PCDHGA5: variants seen among roughly 807,000 people sequenced by gnomAD.
PCDHGA5 encodes protocadherin gamma-A5.
PCDHGA5 carries 36 observed loss-of-function variants against 56.7 expected under a neutral mutation model. The observed-to-expected ratio is 0.64, with a 90% CI of 0.49 to 0.84. The LOEUF is 0.84. Among genes scored for constraint, PCDHGA5 ranks in the 40% least tolerant of loss-of-function variants. PCDHGA5 has a pLI of 0.00. For missense variants in PCDHGA5, 1,305 were observed against 1,201.5 expected (o/e 1.09, Z -1.27); for synonymous variants, 563 against 520.2 (o/e 1.08, Z -1.12).
Position 141,364,609 on chromosome 5 carries a change from G to A in PCDHGA5, c.279G>A (p.Glu93=), listed in dbSNP as rs759783763. 2.5e-6 allele frequency: 4 copies of A among 1,614,190 alleles called. No individual in the cohort carries two copies. The highest frequency in any genetic ancestry group is 3.4e-6 in the Non-Finnish European group (4 of 1,180,002). Residue 93 remains glutamate (E), a synonymous_variant, in exon 1 of 4, where the codon GAG becomes GAA. Coordinates refer to ENST00000518069, the MANE Select transcript of PCDHGA5 (RefSeq NM_018918.3). ...SLVTAGRIDR[E]ELCAQSPLCV... is the part of the protein sequence containing the mutation. ...TCACCGCGGGCAGGATAGACCGGGA[G>A]GAGCTCTGCGCTCAGAGCCCACTGT...
intron 1 of PCDHGA5, among the ~76,000 whole-genome samples, chr5:141,448,214 G>A (rs2098576063): frequency 6.6e-6 from 1 of 152,092 alleles, no homozygotes; most frequent in Non-Finnish European, 1.5e-5. Context: ...CTGTGTGTAT[G>A]CGAATGTATG....
rs151037104 is a variant in PCDHGA5, at chr5:141,393,242, C to G, written c.2421+26491C>G. 3 of 1,613,778 alleles carry G rather than the reference C, an allele frequency of 1.9e-6. 1 individual carries two copies. The East Asian group carries it at 6.7e-5, about 36-fold the overall frequency. ...TCGAAGATCTAGAAGTAAAAATTAA[C>G]GAAATCGCGGTTCCTGGAGCACGTT... On this transcript the variant is annotated intron_variant, in intron 1 of 3. Coordinates refer to ENST00000518069, the MANE Select transcript of PCDHGA5 (RefSeq NM_018918.3).
intron 1 of PCDHGA5, chr5:141,414,091 A>C (rs774168035): frequency 7.5e-6 from 12 of 1,594,412 alleles, no homozygotes; most frequent in African/African-American, 1.3e-5. Flanking sequence ...TGGAGAAATA[A>C]AAATATCAGA....
intron 1 of PCDHGA5, chr5:141,408,402 G>A: frequency 1.2e-6 from 2 of 1,614,052 alleles, no homozygotes; most frequent in Non-Finnish European, 1.7e-6. Context: ...CGCAAGCTGC[G>A]AGTGAGCGCG....
At chr5:141,376,331 C>T (rs757952080) in intron 1 of PCDHGA5, 2 of 1,614,078 alleles carry the variant, frequency 1.2e-6, no homozygotes, top group East Asian at 2.2e-5. Context: ...TCGGGCTTTC[C>T]TGCAGACCTA....
intron 1 of PCDHGA5, among the ~76,000 whole-genome samples, chr5:141,380,556 A>G (rs560395127): frequency 1.3e-5 from 2 of 152,362 alleles, no homozygotes; most frequent in South Asian, 2.1e-4. Flanking sequence ...CTTATGTTAG[A>G]TTTTATTAAA....
chr5:141,370,302 A>G, intron 1 of PCDHGA5: 1 of 1,187,592 alleles, frequency 8.4e-7, no homozygotes, highest in Non-Finnish European at 1.2e-6. Flanking sequence ...GCACAAAGAC[A>G]AAGCAAATAG....
At chr5:141,404,580 G>C (rs769739876) in intron 1 of PCDHGA5, 2 of 1,613,866 alleles carry the variant, frequency 1.2e-6, no homozygotes, top group Non-Finnish European at 1.7e-6. Context: ...CCACCACTTA[G>C]CAGCAATGTG....
At chr5:141,378,717 A>AG (rs1263141486) in intron 1 of PCDHGA5, 3 of 152,242 alleles carry the variant, frequency 2.0e-5, no homozygotes, top group Non-Finnish European at 4.4e-5. Flanking sequence ...TTCATCATAT[A>AG]GGAACTCTTT....
chr5:141,417,884 C>A, intron 1 of PCDHGA5: 2 of 1,561,600 alleles, frequency 1.3e-6, no homozygotes, highest in East Asian at 2.4e-5. Flanking sequence ...CGCGCAGAGG[C>A]GCCGGGCCGG....
At chr5:141,370,483 C>T in intron 1 of PCDHGA5, 1 of 1,613,876 alleles carries the variant, frequency 6.2e-7, no homozygotes, top group East Asian at 2.2e-5. Flanking sequence ...CAGGCTCTCT[C>T]CGAACCGATC....
chr5:141,488,441 C>T (rs1320712074), intron 1 of PCDHGA5, among the ~76,000 whole-genome samples: 1 of 152,206 alleles, frequency 6.6e-6, no homozygotes, highest in Non-Finnish European at 1.5e-5. Flanking sequence ...TGACCACCCT[C>T]CTGGGTGACC....
intron 1 of PCDHGA5, among the ~76,000 whole-genome samples, chr5:141,444,476 C>A (rs1228271706): frequency 6.6e-6 from 1 of 152,088 alleles, no homozygotes; most frequent in Non-Finnish European, 1.5e-5. Flanking sequence ...CGGTCGCGTA[C>A]TGGATTTATA....
chr5:141,471,562 G>T (rs2099259935), intron 1 of PCDHGA5: 1 of 152,136 alleles, frequency 6.6e-6, no homozygotes, highest in Non-Finnish European at 1.5e-5. Flanking sequence ...TTGACTCAGG[G>T]GTAGCAGTAG....
At chr5:141,483,224 G>A (rs530779494) in intron 1 of PCDHGA5, among the ~76,000 whole-genome samples, 17 of 152,242 alleles carry the variant, frequency 1.1e-4, no homozygotes, top group Middle Eastern at 3.4e-3. Flanking sequence ...AGTCACTGCA[G>A]AAATTTGAAC....
chr5:141,464,048 T>C (rs377735829), intron 1 of PCDHGA5, among the ~76,000 whole-genome samples: 1 of 152,260 alleles, frequency 6.6e-6, no homozygotes, highest in South Asian at 2.1e-4. Context: ...GTGGATCACC[T>C]GAGGTCAGGA....
chr5:141,473,033 GGAAA>G (rs1282468299), intron 1 of PCDHGA5, among the ~76,000 whole-genome samples: 6 of 146,356 alleles, frequency 4.1e-5, no homozygotes, highest in South Asian at 2.2e-4. Flanking sequence ...AAGGAAGGAA[GGAAA>G]GAAAGAAAGA....
chr5:141,486,506 A>C lies in PCDHGA5; in HGVS notation c.2422-8301A>C. The C allele has an allele frequency of 6.2e-7, 1 of 1,614,134 alleles. No individual in the cohort carries two copies. The highest frequency in any genetic ancestry group is 8.5e-7 in the Non-Finnish European group (1 of 1,180,006). Reference sequence around the variant, plus strand: ...TACCCACAGAACTATTTTCCTCAATATTTCAGATGTGAATGATAATCCACC... The same window carrying C: ...TACCCACAGAACTATTTTCCTCAATCTTTCAGATGTGAATGATAATCCACC... On this transcript the variant is annotated intron_variant, in intron 1 of 3. Transcript: ENST00000518069. The surrounding 1 kb of genome is among the most constrained non-coding windows in gnomAD (Gnocchi z 5.0).
chr5:141,378,227 A>G (rs1774726852), intron 1 of PCDHGA5: 1 of 152,200 alleles, frequency 6.6e-6, no homozygotes, highest in Non-Finnish European at 1.5e-5. Flanking sequence ...GCCTGATAGT[A>G]TTTAAGAGTG....
Sources: allele counts gnomAD v4.1 joint callset (sites outside exome capture counted in the v4.1 genomes callset), GRCh38; gene constraint gnomAD v4.1.1; non-coding constraint Gnocchi (gnomAD v3.1); transcripts MANE v1.5; gene names NCBI Gene and HGNC (gene_info 2026-07-23, HGNC 2026-07-21).